Variants in NCKAP5 observed in about 807,000 individuals in gnomAD.
NCKAP5 encodes the protein nck-associated protein 5.
NCKAP5 carries 92 observed loss-of-function variants against 167.0 expected under a neutral mutation model. The ratio of observed to expected loss-of-function variants is 0.55; its 90% CI spans 0.47 to 0.66. NCKAP5 has a LOEUF of 0.66. Among genes scored for constraint, NCKAP5 ranks in the 30% least tolerant of loss-of-function variants. The probability of loss-of-function intolerance (pLI) is 0.00; values close to 1 mark genes in which losing one functional copy is unlikely to be tolerated. For missense variants in NCKAP5, 2,378 were observed against 2,315.0 expected (o/e 1.03, Z -0.56); for synonymous variants, 891 against 877.4 (o/e 1.02, Z -0.27).
chr2:132,895,834 CAAAAAAAAAAA>C (rs1693152957), intron 8 of NCKAP5, among the ~76,000 whole-genome samples: 1 of 85,746 alleles, frequency 1.2e-5, no homozygotes, highest in African/African-American at 5.4e-5. Context: ...AAAAAAAAAA[CAAAAAAAAAAA>C]CACAGTAGGC....
At chr2:132,795,462 A>G (rs979835674) in intron 12 of NCKAP5, among the ~76,000 whole-genome samples, 23 of 152,222 alleles carry the variant, frequency 1.5e-4, no homozygotes, top group Non-Finnish European at 2.9e-4. Flanking sequence ...AATGATTCAT[A>G]TACTTTAAAC....
At chr2:133,239,571 T>C (rs1393548766) in intron 4 of NCKAP5, among the ~76,000 whole-genome samples, 9 of 152,192 alleles carry the variant, frequency 5.9e-5, no homozygotes, top group Admixed American at 5.9e-4. Context: ...CTGTACCAGC[T>C]AGATTCTGAT....
intron 12 of NCKAP5, among the ~76,000 whole-genome samples, chr2:132,794,308 G>A (rs557389861): frequency 0.02 from 1,010 of 49,556 alleles, 16 homozygotes; most frequent in African/African-American, 0.048. Flanking sequence ...AGAGAGAGAG[G>A]GTGGCGGGAA....
chr2:132,909,629 C>T (rs1163659570), intron 8 of NCKAP5, among the ~76,000 whole-genome samples: 3 of 152,184 alleles, frequency 2.0e-5, no homozygotes, highest in Non-Finnish European at 4.4e-5. Context: ...GAGCTAACTG[C>T]TTGTGTTCTA....
At chr2:132,917,708 A>G (rs543359932) in intron 8 of NCKAP5, among the ~76,000 whole-genome samples, 1 of 152,220 alleles carries the variant, frequency 6.6e-6, no homozygotes, top group African/African-American at 2.4e-5. Context: ...GGGCTTAAAC[A>G]TCCAGCTCCC....
Position 132,782,385 on chromosome 2 carries a change from C to A in NCKAP5, c.4426G>T (p.Val1476Phe). The change falls in exon 14 of 20, where the codon GTC (valine) becomes TTC (phenylalanine). Residue 1476 changes from valine (V) to phenylalanine (F), a missense_variant. Physicochemically the swap from Val to Phe is conservative, Grantham distance 50. This residue lies in a region of NCKAP5 where 1,325 missense variants were observed against 1,274.5 expected (regional missense o/e 1.04). Transcript: ENST00000409261. ...ACATTTTCCTGAATGCACAACATGA[C>A]CTTTTCTTCGATTGTGGGTGAGAGG... is the stretch of plus-strand genomic sequence containing the variant. The part of the protein sequence containing the change: ...APLSPTIEEK[V>F]MLCIQENVEK... 6.2e-7 allele frequency: 1 copy of A among 1,614,026 alleles called. No homozygotes were observed. Among genetic ancestry groups the A allele is most frequent in the Non-Finnish European group, 8.5e-7 (1 of 1,179,910 alleles).
chr2:133,059,134 C>T (rs931748599), intron 6 of NCKAP5, among the ~76,000 whole-genome samples: 2 of 151,338 alleles, frequency 1.3e-5, no homozygotes, highest in South Asian at 2.1e-4. Context: ...CCTGTCTCTA[C>T]TAAAAATACA....
chr2:133,185,697 T>A (rs899658322), intron 5 of NCKAP5, among the ~76,000 whole-genome samples: 5 of 152,082 alleles, frequency 3.3e-5, no homozygotes, highest in Admixed American at 6.6e-5. Context: ...GCTGTATTCC[T>A]CGATACTTCA....
chr2:133,517,837 C>A (rs1484558269), intron 2 of NCKAP5, among the ~76,000 whole-genome samples: 1 of 152,140 alleles, frequency 6.6e-6, no homozygotes, highest in Non-Finnish European at 1.5e-5. Context: ...GTTGAATCAG[C>A]AGACTGTAGA....
intron 5 of NCKAP5, among the ~76,000 whole-genome samples, chr2:133,146,756 G>C (rs1574179060): frequency 6.6e-6 from 1 of 152,066 alleles, no homozygotes; most frequent in East Asian, 1.9e-4. Context: ...TAGTGGTCTG[G>C]GTAAAAGCTA....
chr2:133,091,202 T>C (rs1376193601), intron 6 of NCKAP5, among the ~76,000 whole-genome samples: 1 of 152,180 alleles, frequency 6.6e-6, no homozygotes, highest in African/African-American at 2.4e-5. Context: ...AAACCTCTTT[T>C]CTTTATAAAT....
chr2:133,514,547 A>G (rs923609722), intron 3 of NCKAP5, among the ~76,000 whole-genome samples: 3 of 152,188 alleles, frequency 2.0e-5, no homozygotes, highest in African/African-American at 4.8e-5. Flanking sequence ...TGATTATATA[A>G]AATAAAAAGT....
intron 6 of NCKAP5, among the ~76,000 whole-genome samples, chr2:133,094,215 A>G (rs1170728648): frequency 6.6e-6 from 1 of 152,188 alleles, no homozygotes; most frequent in African/African-American, 2.4e-5. Flanking sequence ...AAGTGAGGTG[A>G]ATCCTAAGGC....
intron 11 of NCKAP5, among the ~76,000 whole-genome samples, chr2:132,805,920 C>T (rs1469045825): frequency 1.3e-5 from 2 of 152,062 alleles, no homozygotes; most frequent in African/African-American, 4.8e-5. Context: ...TTTTATCCCT[C>T]GCCCCCTTCC....
intron 3 of NCKAP5, among the ~76,000 whole-genome samples, chr2:133,503,960 T>C (rs1016746142): frequency 6.6e-6 from 1 of 152,060 alleles, no homozygotes; most frequent in Non-Finnish European, 1.5e-5. Flanking sequence ...CTCCTCTGAA[T>C]AGAAACTCCC....
At chr2:132,939,116 TA>T (rs1697078240) in intron 8 of NCKAP5, among the ~76,000 whole-genome samples, 1 of 152,206 alleles carries the variant, frequency 6.6e-6, no homozygotes, top group Non-Finnish European at 1.5e-5. Context: ...ATTTGTTTAA[TA>T]GTGATGATAT....
chr2:132,989,913 C>CT (rs775146740), intron 7 of NCKAP5, among the ~76,000 whole-genome samples: 45 of 152,094 alleles, frequency 3.0e-4, no homozygotes, highest in Non-Finnish European at 5.1e-4. Flanking sequence ...CCTTTAGTGG[C>CT]TATTGGAAGA....
chr2:132,881,294 C>T (rs980135400), intron 8 of NCKAP5, among the ~76,000 whole-genome samples: 1 of 152,100 alleles, frequency 6.6e-6, no homozygotes, highest in African/African-American at 2.4e-5. Context: ...CCTGCCTCAG[C>T]CTCCCAAGTA....
intron 6 of NCKAP5, among the ~76,000 whole-genome samples, chr2:133,101,578 T>G (rs1371145721): frequency 6.6e-5 from 10 of 151,744 alleles, no homozygotes; most frequent in Non-Finnish European, 1.5e-4. Flanking sequence ...TTTTATTTCC[T>G]TGAGCAGTGG....
Sources: allele counts gnomAD v4.1 joint callset (sites outside exome capture counted in the v4.1 genomes callset), GRCh38; gene constraint gnomAD v4.1.1; regional missense constraint gnomAD v4.1.1; transcripts MANE v1.5; gene names NCBI Gene and HGNC (gene_info 2026-07-23, HGNC 2026-07-21).